Variants in EP400 observed in about 807,000 individuals in gnomAD.
The protein encoded by EP400 is E1A-binding protein p400.
A neutral mutation model predicts 354.1 loss-of-function variants in EP400; 105 were observed. The ratio of observed to expected loss-of-function variants is 0.30; its 90% CI spans 0.25 to 0.35. The LOEUF is 0.35. EP400 is among the 10% of genes least tolerant of loss of function. EP400 has a pLI of 1.00. For synonymous variants in EP400, 1,646 were observed against 1,716.9 expected (o/e 0.96, Z 1.02); for missense variants, 3,280 against 4,121.0 (o/e 0.80, Z 5.59).
At chr12:131,973,586 T>C (rs1892370538) in intron 2 of EP400, among the ~76,000 whole-genome samples, 1 of 152,136 alleles carries the variant, frequency 6.6e-6, no homozygotes, top group African/African-American at 2.4e-5. Context: ...GAGGCTACAG[T>C]GAGCCAAGAT....
intron 7 of EP400, among the ~76,000 whole-genome samples, chr12:131,988,940 C>A (rs887424397): frequency 3.3e-5 from 5 of 152,154 alleles, no homozygotes; most frequent in African/African-American, 1.2e-4. Context: ...GGGTGAGAAC[C>A]GTGGGGTTCT....
At chr12:132,065,010 C>T (rs933052613) in intron 48 of EP400, 124 bp downstream of exon 48, 21 of 1,454,520 alleles carry the variant, frequency 1.4e-5, no homozygotes, top group South Asian at 4.2e-5. Flanking sequence ...TTCTTTTCCC[C>T]GAGAACTTAG....
intron 2 of EP400, among the ~76,000 whole-genome samples, chr12:131,967,003 G>A (rs778218715): frequency 3.3e-5 from 5 of 151,938 alleles, no homozygotes; most frequent in Non-Finnish European, 5.9e-5. Context: ...GAGTCCTGGA[G>A]TTCGAGGGTG....
chr12:131,996,448 C>T (rs1319916908), intron 12 of EP400, among the ~76,000 whole-genome samples: 6 of 151,890 alleles, frequency 4.0e-5, no homozygotes, highest in Admixed American at 6.6e-5. Context: ...CCCGCCACCA[C>T]GCCCGGCTAA....
intron 12 of EP400, among the ~76,000 whole-genome samples, chr12:131,998,228 G>C (rs1315078930): frequency 6.6e-6 from 1 of 152,130 alleles, no homozygotes; most frequent in African/African-American, 2.4e-5. Flanking sequence ...AAGTTCTTCT[G>C]CCTTGCTCTG....
At position 132,043,309 on chromosome 12, in the gene EP400, C is replaced by T; in HGVS notation, c.6213C>T (p.Leu2071=). 2 of 1,609,968 alleles carry T rather than the reference C, an allele frequency of 1.2e-6. No individual in the cohort carries two copies. Among genetic ancestry groups the T allele is most frequent in the Middle Eastern group, 1.7e-4 (1 of 6,042 alleles). The change falls in exon 33 of 53, where the codon CTC becomes CTT. Residue 2071 remains leucine (L), a synonymous_variant. Transcript: ENST00000389561. ...PKIARPFIEA[L]KSIEYLEEDA... ...TAAACATAGACTTTCCTCAGGCCCT[C>T]AAGAGTATTGAGTATCTGGAGGAGG...
chr12:132,017,848 A>G lies in EP400; in HGVS notation c.4110+127A>G. 2 of 1,070,994 alleles carry G rather than the reference A, an allele frequency of 1.9e-6. No individual in the cohort carries two copies. The highest frequency in any genetic ancestry group is 3.2e-5 in the African/African-American group (2 of 61,822). The allele number at this position is 1,070,994 out of a possible 1,614,324, so 66.3% of individuals were successfully genotyped here. A position where few individuals can be genotyped will look rare whatever the true frequency, so the allele number is the denominator to read the frequency against. ...GCAATTGCAATTGCAGCTCCGCGAT[A>G]CATGGCACCGTCTAGCAGCACTGAT... is the stretch of plus-strand genomic sequence containing the variant. On this transcript the variant is annotated intron_variant, in intron 20 of 52. Transcript: ENST00000389561. The surrounding 1 kb of genome is among the most constrained non-coding windows in gnomAD (Gnocchi z 5.0).
At position 132,037,942 on chromosome 12, in the gene EP400, T is replaced by C; in HGVS notation, c.6064-11T>C. On this transcript the variant is annotated splice_polypyrimidine_tract_variant and intron_variant, in intron 31 of 52. Transcript: ENST00000389561. Reference sequence around the variant, plus strand: ...CTTGTACTGGGGAGTAACACACATCTCTGTGTTCAGCGAACCATCCAGGAG... The same window carrying C: ...CTTGTACTGGGGAGTAACACACATCCCTGTGTTCAGCGAACCATCCAGGAG... The C allele has an allele frequency of 6.2e-7, 1 of 1,614,174 alleles. No homozygotes were observed. The highest frequency in any genetic ancestry group is 8.5e-7 in the Non-Finnish European group (1 of 1,180,016).
rs1486922793 is a variant in EP400, at chr12:132,062,472, G to A, written c.8105G>A (p.Gly2702Glu). Residue 2702 changes from glycine to glutamate, a missense_variant, in exon 47 of 53, where the codon GGA becomes GAA. By Grantham distance (98) the Gly-to-Glu change is moderately conservative. Coordinates refer to ENST00000389561, the MANE Select transcript of EP400 (RefSeq NM_015409.5). ...TGAGCAAACCTCTTCATAGCCACAG[G>A]AGTTCAGCTCCCTGGAAAAACCATC... The part of the protein sequence containing the change: ...SLVPQVSQAT[G>E]VQLPGKTITP... 6.2e-7 allele frequency: 1 copy of A among 1,612,910 alleles called. No individual in the cohort carries two copies. Among genetic ancestry groups the A allele is most frequent in the Non-Finnish European group, 8.5e-7 (1 of 1,180,020 alleles).
chr12:131,961,491 C>T lies in EP400; in HGVS notation c.872C>T (p.Pro291Leu), dbSNP rs1049336789. 9.5e-6 allele frequency: 15 copies of T among 1,572,540 alleles called. No homozygotes were observed. Among genetic ancestry groups the T allele is most frequent in the South Asian group, 2.3e-5 (2 of 87,514 alleles). ...CTGCAGGGGCCGCCGCTGCCCCGGC[C>T]CCTGGGCTTCGAGAGGACACCCGGC... Reference protein sequence around the residue: ...QVLQGPPLPRPLGFERTPGVL... With the variant: ...QVLQGPPLPRLLGFERTPGVL... The change falls in exon 2 of 53, where the codon CCC becomes CTC. Residue 291 changes from proline to leucine, a missense_variant. Around this residue, in one of 20 missense-constraint regions of EP400, gnomAD observed 85 missense variants for 180.3 expected, o/e 0.47. Transcript: ENST00000389561.
Position 132,013,931 on chromosome 12 carries a change from G to C in EP400, c.3923+18G>C. ...CAACCTGGGTGAGTGTGGGCTCTGG[G>C]CATGTGCCCCCTTTGCTGTCCCTGC... On this transcript the variant is annotated intron_variant, in intron 19 of 52. Transcript: ENST00000389561. This position sits in a 1 kb window ranked among gnomAD's most constrained non-coding sequence, Gnocchi z 4.5. 2 of 1,612,806 alleles carry C rather than the reference G, an allele frequency of 1.2e-6. No homozygotes were observed. The highest frequency in any genetic ancestry group is 1.7e-6 in the Non-Finnish European group (2 of 1,179,460).
At chr12:131,972,993 A>G (rs995143028) in intron 2 of EP400, among the ~76,000 whole-genome samples, 1 of 152,084 alleles carries the variant, frequency 6.6e-6, no homozygotes, top group Admixed American at 6.5e-5. Flanking sequence ...TGGCCTCCCA[A>G]AGTGCTGGGA....
chr12:132,042,464 C>T (rs561934027), intron 32 of EP400, among the ~76,000 whole-genome samples: 2 of 152,300 alleles, frequency 1.3e-5, no homozygotes, highest in East Asian at 3.9e-4. Flanking sequence ...GAGGAGATTA[C>T]TCTGCCCACC....
chr12:132,072,169 C>T (rs956293228), intron 51 of EP400, among the ~76,000 whole-genome samples: 10 of 152,204 alleles, frequency 6.6e-5, no homozygotes, highest in Non-Finnish European at 1.3e-4. Context: ...TTGTGTTGCC[C>T]AGGGTGGCCT....
At chr12:132,042,367 T>C (rs958485349) in intron 32 of EP400, among the ~76,000 whole-genome samples, 1 of 152,214 alleles carries the variant, frequency 6.6e-6, no homozygotes, top group African/African-American at 2.4e-5. Flanking sequence ...TTAAACGCTG[T>C]GTATTGATGA....
intron 52 of EP400, 76 bp downstream of exon 52, chr12:132,076,669 T>C: frequency 7.5e-7 from 1 of 1,337,958 alleles, no homozygotes; most frequent in East Asian, 2.3e-5. Context: ...GAGGTCATGA[T>C]TAGGGAATCA....
At chr12:132,045,070 G>C in intron 37 of EP400, 117 bp downstream of exon 37, 1 of 1,448,502 alleles carries the variant, frequency 6.9e-7, no homozygotes, top group South Asian at 1.3e-5. Flanking sequence ...TGCAGGGCTA[G>C]CGATCACACG....
At chr12:131,985,451 G>A (rs999584956) in intron 5 of EP400, among the ~76,000 whole-genome samples, 1 of 152,202 alleles carries the variant, frequency 6.6e-6, no homozygotes, top group South Asian at 2.1e-4. Context: ...CAGAGAGAGT[G>A]TGCTCTAGCG....
At position 131,992,242 on chromosome 12, in the gene EP400, C is replaced by T. The variant is rs1197797729; in HGVS notation, c.2737+12C>T. Reference sequence around the variant, plus strand: ...GACTGATGACGAAGGTCTGTTCCCCCTCAGCACTATCTTTGTCATCTCCAG... The same window carrying T: ...GACTGATGACGAAGGTCTGTTCCCCTTCAGCACTATCTTTGTCATCTCCAG... On this transcript the variant is annotated intron_variant, in intron 11 of 52. Transcript: ENST00000389561. 3 of 1,607,546 alleles carry T rather than the reference C, an allele frequency of 1.9e-6. No individual in the cohort carries two copies. The highest frequency in any genetic ancestry group is 2.2e-5 in the East Asian group (1 of 44,886).
Sources: gnomAD v4.1 joint callset for allele counts (sites outside exome capture counted in the v4.1 genomes callset) on GRCh38, gnomAD v4.1.1 for gene constraint, gnomAD v4.1.1 regional missense constraint, Gnocchi (gnomAD v3.1) non-coding constraint, MANE v1.5 for transcripts, NCBI Gene and HGNC (gene_info 2026-07-23, HGNC 2026-07-21) for gene names.